FRYL: variants seen among roughly 807,000 people sequenced by gnomAD.
FRYL encodes FRY like transcription coactivator, also known as protein furry homolog-like.
A neutral mutation model predicts 351.2 loss-of-function variants in FRYL; 150 were observed. The observed-to-expected ratio is 0.43, with a 90% CI of 0.37 to 0.49. FRYL has a LOEUF of 0.49. Among genes scored for constraint, FRYL ranks in the 20% least tolerant of loss-of-function variants. FRYL has a pLI of 0.00. For synonymous variants in FRYL, 1,153 were observed against 1,257.1 expected (o/e 0.92, Z 1.75); for missense variants, 3,036 against 3,619.3 (o/e 0.84, Z 4.13).
chr4:48,546,407 G>C, intron 41 of FRYL, 136 bp from the exon 42 acceptor site: 1 of 673,604 alleles, frequency 1.5e-6, no homozygotes, highest in South Asian at 1.9e-5. Flanking sequence ...GTGAATCAGT[G>C]CTCCTGCTGA....
At chr4:48,568,747 A>G (rs1185031833) in intron 27 of FRYL, among the ~76,000 whole-genome samples, 1 of 152,080 alleles carries the variant, frequency 6.6e-6, no homozygotes, top group Non-Finnish European at 1.5e-5. Flanking sequence ...TGTTTTTCAA[A>G]TTTTTTCCTT....
intron 1 of FRYL, among the ~76,000 whole-genome samples, chr4:48,716,593 A>C (rs1768857824): frequency 6.6e-6 from 1 of 151,598 alleles, no homozygotes; most frequent in African/African-American, 2.4e-5. Context: ...CACCAGTTAG[A>C]ATGGCAATCA....
At chr4:48,666,162 G>A (rs1268879752) in intron 3 of FRYL, among the ~76,000 whole-genome samples, 1 of 152,176 alleles carries the variant, frequency 6.6e-6, no homozygotes, top group African/African-American at 2.4e-5. Context: ...AGGAGTTTGA[G>A]ACCAGCCTGG....
chr4:48,701,947 G>T (rs2149576468), intron 2 of FRYL, among the ~76,000 whole-genome samples: 1 of 152,206 alleles, frequency 6.6e-6, no homozygotes, highest in East Asian at 1.9e-4. Context: ...AGCATTATTT[G>T]ATGTGCACTG....
At chr4:48,775,299 C>T (rs571910081) in intron 1 of FRYL, among the ~76,000 whole-genome samples, 23 of 152,370 alleles carry the variant, frequency 1.5e-4, no homozygotes, top group Admixed American at 3.3e-4. Flanking sequence ...ATGTTCCACT[C>T]TGCACTGGTC....
chr4:48,588,470 T>C (rs540573905), intron 18 of FRYL, among the ~76,000 whole-genome samples: 12 of 152,310 alleles, frequency 7.9e-5, no homozygotes, highest in African/African-American at 2.9e-4. Flanking sequence ...ATCACCTCCA[T>C]ATGGATACCT....
At chr4:48,528,407 G>T in intron 50 of FRYL, 71 bp from the exon 51 acceptor site, 2 of 1,159,276 alleles carry the variant, frequency 1.7e-6, no homozygotes, top group Non-Finnish European at 1.2e-6. Flanking sequence ...AGGGTTAACA[G>T]TGCACCTATA....
chr4:48,589,478 A>C (rs936895217), intron 18 of FRYL, among the ~76,000 whole-genome samples: 1 of 151,894 alleles, frequency 6.6e-6, no homozygotes, highest in East Asian at 1.9e-4. Context: ...CCTAGGATTC[A>C]TATTTTGCTC....
intron 33 of FRYL, among the ~76,000 whole-genome samples, chr4:48,558,347 A>G (rs1734600626): frequency 1.3e-5 from 2 of 152,236 alleles, no homozygotes; most frequent in South Asian, 4.1e-4. Context: ...AAATCAACAT[A>G]TATGTATGAT....
In FRYL at chr4:48,498,741, GCT is replaced by G. The variant is rs1161585600; in HGVS notation, c.*679_*680del. 5.9e-5 allele frequency: 9 copies of G among 152,588 alleles called. No individual in the cohort carries two copies. The highest frequency in any genetic ancestry group is 1.3e-4 in the Admixed American group (2 of 15,286). 9.5% of individuals were successfully genotyped at this position (152,588 alleles called of 1,614,324 possible). A position where few individuals can be genotyped will look rare whatever the true frequency, so the allele number is the denominator to read the frequency against. On this transcript the variant is annotated 3_prime_UTR_variant, in exon 64 of 64. Coordinates refer to ENST00000358350, the MANE Select transcript of FRYL (RefSeq NM_015030.2). ...ATTTCTTCAAAAATAATCTTGCAGT[GCT>G]CTTTTAGGCATGCTCTGAGACGTTA...
chr4:48,618,016 G>C (rs1008746683), intron 7 of FRYL: 1 of 152,240 alleles, frequency 6.6e-6, no homozygotes, highest in African/African-American at 2.4e-5. Flanking sequence ...ACAATGAGCA[G>C]TAGTCAGAGT....
At chr4:48,596,114 G>A in intron 13 of FRYL, 114 bp from the exon 14 acceptor site, 1 of 678,564 alleles carries the variant, frequency 1.5e-6, no homozygotes, top group Non-Finnish European at 2.5e-6. Flanking sequence ...GTCTAAAATA[G>A]GTTTAAATAC....
intron 9 of FRYL, 23 bp from the exon 10 acceptor site, chr4:48,606,629 A>G (rs1409268397): frequency 9.0e-6 from 14 of 1,550,960 alleles, no homozygotes; most frequent in Middle Eastern, 1.8e-4. Flanking sequence ...TGGAGACATC[A>G]TTTGATTTGA....
chr4:48,651,289 CTGTGTGTG>C (rs59845967), intron 3 of FRYL, among the ~76,000 whole-genome samples: 3,580 of 62,372 alleles, frequency 0.057, 436 homozygotes, highest in Admixed American at 0.12. Flanking sequence ...CAGGATCTCA[CTGTGTGTG>C]TGTGTGTGTG....
At chr4:48,591,150 C>G (rs1419792662) in intron 16 of FRYL, among the ~76,000 whole-genome samples, 1 of 152,062 alleles carries the variant, frequency 6.6e-6, no homozygotes, top group South Asian at 2.1e-4. Flanking sequence ...AATGACTTGT[C>G]TTCTACTTCA....
At chr4:48,510,389 GCCAGA>G (rs1400122017) in intron 58 of FRYL, among the ~76,000 whole-genome samples, 1 of 152,196 alleles carries the variant, frequency 6.6e-6, no homozygotes, top group Non-Finnish European at 1.5e-5. Flanking sequence ...AAGACGTCAT[GCCAGA>G]CCAGTACATA....
chr4:48,537,775 G>C (rs1041488547), intron 47 of FRYL, among the ~76,000 whole-genome samples: 3 of 152,142 alleles, frequency 2.0e-5, no homozygotes, highest in Non-Finnish European at 4.4e-5. Flanking sequence ...GATATTCAAG[G>C]AGCTGTAACA....
intron 8 of FRYL, 62 bp downstream of exon 8, chr4:48,609,682 T>TA: frequency 1.3e-6 from 1 of 756,738 alleles, no homozygotes; most frequent in Non-Finnish European, 2.2e-6. Context: ...CAGTAAGACT[T>TA]AAAATAGTCT....
chr4:48,533,143 A>G (rs1728058835), intron 49 of FRYL, among the ~76,000 whole-genome samples: 1 of 152,144 alleles, frequency 6.6e-6, no homozygotes, highest in Non-Finnish European at 1.5e-5. Flanking sequence ...CCTTCTGGTT[A>G]TCTGCTTGTC....
Sources: allele counts gnomAD v4.1 joint callset (sites outside exome capture counted in the v4.1 genomes callset), GRCh38; gene constraint gnomAD v4.1.1; transcripts MANE v1.5; gene names NCBI Gene and HGNC (gene_info 2026-07-23, HGNC 2026-07-21).